SLC44A5: variants seen among roughly 807,000 people sequenced by gnomAD.
The protein encoded by SLC44A5 is choline transporter-like protein 5.
Under a neutral mutation model 101.8 loss-of-function variants are expected in SLC44A5, and 57 were observed. That is an observed-to-expected ratio of 0.56 (90% CI 0.45 to 0.70). SLC44A5 has a LOEUF of 0.70. Among genes scored for constraint, SLC44A5 ranks in the 30% least tolerant of loss-of-function variants. The pLI, the probability that SLC44A5 is intolerant of heterozygous loss-of-function variation, is 0.00. For missense variants in SLC44A5, 737 were observed against 853.1 expected (o/e 0.86, Z 1.70); for synonymous variants, 281 against 290.9 (o/e 0.97, Z 0.35).
At chr1:75,623,172 C>T in the SLC44A5 span, among the ~76,000 whole-genome samples, 1 of 151,832 alleles carries the variant, frequency 6.6e-6, no homozygotes, top group East Asian at 1.9e-4. Context: ...TAGAATTAAC[C>T]AAATAAATAG....
At chr1:75,548,415 A>T (rs1192031285) in intron 1 of SLC44A5, among the ~76,000 whole-genome samples, 1 of 152,182 alleles carries the variant, frequency 6.6e-6, no homozygotes, top group Non-Finnish European at 1.5e-5. Context: ...TGTGTTTACC[A>T]TTAAGCAACC....
At chr1:75,343,756 AGAAATGT>A (rs1658052894) in intron 3 of SLC44A5, among the ~76,000 whole-genome samples, 1 of 152,180 alleles carries the variant, frequency 6.6e-6, no homozygotes, top group Admixed American at 6.6e-5. Flanking sequence ...TAGCCAGCAG[AGAAATGT>A]GAATACTTAA....
intron 2 of SLC44A5, among the ~76,000 whole-genome samples, chr1:75,460,911 T>C (rs1666460164): frequency 6.6e-6 from 1 of 152,118 alleles, no homozygotes; most frequent in African/African-American, 2.4e-5. Context: ...ATTTGAATGG[T>C]TTTCCATTCT....
chr1:75,453,598 A>T (rs975021123), intron 2 of SLC44A5, among the ~76,000 whole-genome samples: 1 of 152,110 alleles, frequency 6.6e-6, no homozygotes, highest in African/African-American at 2.4e-5. Context: ...CAAAGGATCA[A>T]TGAAACCAAA....
At chr1:75,359,385 C>A (rs532721057) in intron 3 of SLC44A5, among the ~76,000 whole-genome samples, 1 of 151,284 alleles carries the variant, frequency 6.6e-6, no homozygotes, top group South Asian at 2.1e-4. Flanking sequence ...CAGGGGCATG[C>A]CACCACGCTG....
At chr1:75,321,381 A>G (rs1465576865) in intron 4 of SLC44A5, among the ~76,000 whole-genome samples, 1 of 152,046 alleles carries the variant, frequency 6.6e-6, no homozygotes, top group Non-Finnish European at 1.5e-5. Context: ...GTGCCAGCCA[A>G]TCTGGTTCCT....
intron 1 of SLC44A5, among the ~76,000 whole-genome samples, chr1:75,580,232 C>CA (rs1208941815): frequency 6.6e-6 from 1 of 151,794 alleles, no homozygotes; most frequent in Non-Finnish European, 1.5e-5. Flanking sequence ...TACAAATAAA[C>CA]AAAAAATAAA....
intron 3 of SLC44A5, among the ~76,000 whole-genome samples, chr1:75,352,558 T>C (rs1428139706): frequency 6.6e-6 from 1 of 152,066 alleles, no homozygotes; most frequent in African/African-American, 2.4e-5. Flanking sequence ...CATTAGCAAT[T>C]AGGAAGATAT....
chr1:75,623,698 C>A, the SLC44A5 span, among the ~76,000 whole-genome samples: 1 of 151,912 alleles, frequency 6.6e-6, no homozygotes, highest in African/African-American at 2.4e-5. Flanking sequence ...TAATATTAAG[C>A]AGAGAAATGG....
intron 1 of SLC44A5, among the ~76,000 whole-genome samples, chr1:75,575,960 T>C (rs1673336394): frequency 6.6e-6 from 1 of 152,088 alleles, no homozygotes; most frequent in South Asian, 2.1e-4. Context: ...GTTGGAGAGC[T>C]TGTGACTAAG....
intron 2 of SLC44A5, among the ~76,000 whole-genome samples, chr1:75,535,098 A>G (rs1670924805): frequency 6.7e-6 from 1 of 148,338 alleles, no homozygotes; most frequent in African/African-American, 2.5e-5. Flanking sequence ...TTAAAGAAAA[A>G]TCATCATCTA....
In SLC44A5 at chr1:75,599,051, A is replaced by G. The variant is rs192722587; in HGVS notation, c.-70+11989T>C. On this transcript the variant is annotated intron_variant, in intron 1 of 23. Coordinates refer to ENST00000370859, the MANE Select transcript of SLC44A5 (RefSeq NM_001130058.2). ...AATTAATGCAATTGAATATTACCAA[A>G]CCATTTAAAATAAAATTATGAAAAT... is the stretch of plus-strand genomic sequence containing the variant. 4.3e-3 allele frequency among the ~76,000 whole-genome samples: 659 copies of G among 152,268 alleles called. 5 individuals are homozygous for G. The highest frequency in any genetic ancestry group is 0.015 in the African/African-American group (633 of 41,558).
intron 23 of SLC44A5, among the ~76,000 whole-genome samples, chr1:75,208,214 A>G (rs530493430): frequency 6.6e-6 from 1 of 152,292 alleles, no homozygotes; most frequent in Admixed American, 6.5e-5. Flanking sequence ...CCTGGAGTGC[A>G]GTGGCGTGAT....
chr1:75,660,678 T>C, the SLC44A5 span, among the ~76,000 whole-genome samples: 1 of 151,982 alleles, frequency 6.6e-6, no homozygotes, highest in Non-Finnish European at 1.5e-5. Flanking sequence ...CAGCCAACAA[T>C]CTGAAAAAGT....
chr1:75,578,904 T>C (rs957158792), intron 1 of SLC44A5, among the ~76,000 whole-genome samples: 1 of 152,162 alleles, frequency 6.6e-6, no homozygotes, highest in African/African-American at 2.4e-5. Context: ...ACAATTTTTA[T>C]TTGTCACTTA....
At chr1:75,621,835 G>A in the SLC44A5 span, among the ~76,000 whole-genome samples, 2 of 152,060 alleles carry the variant, frequency 1.3e-5, no homozygotes, top group African/African-American at 2.4e-5. Context: ...ATAGTTGAAA[G>A]AGAATGAGAT....
the SLC44A5 span, chr1:75,677,716 C>A: frequency 1.8e-5 from 8 of 435,282 alleles, no homozygotes; most frequent in African/African-American, 1.7e-4. Context: ...AGACCCAGTG[C>A]AATCATCTGT....
chr1:75,516,045 C>A (rs966367714), intron 2 of SLC44A5, among the ~76,000 whole-genome samples: 1 of 152,102 alleles, frequency 6.6e-6, no homozygotes, highest in African/African-American at 2.4e-5. Context: ...TTGAAAGGGG[C>A]TTAAGAAATT....
chr1:75,442,385 T>C (rs972844541), intron 2 of SLC44A5, among the ~76,000 whole-genome samples: 2 of 152,158 alleles, frequency 1.3e-5, no homozygotes, highest in Non-Finnish European at 2.9e-5. Flanking sequence ...AAGTGTCTTC[T>C]TAACCTTGAG....
Sources: gnomAD v4.1 joint callset for allele counts (sites outside exome capture counted in the v4.1 genomes callset) on GRCh38, gnomAD v4.1.1 for gene constraint, MANE v1.5 for transcripts, NCBI Gene and HGNC (gene_info 2026-07-23, HGNC 2026-07-21) for gene names.